NOC2L: variants seen among roughly 807,000 people sequenced by gnomAD.
The protein encoded by NOC2L is nucleolar complex protein 2 homolog.
A neutral mutation model predicts 94.2 loss-of-function variants in NOC2L; 101 were observed. The observed-to-expected ratio is 1.07, with a 90% CI of 0.91 to 1.26. The LOEUF is 1.26. Among genes scored for constraint, NOC2L ranks in the 50% most tolerant of loss-of-function variants. The probability of loss-of-function intolerance (pLI) is 0.00; values close to 1 mark genes in which losing one functional copy is unlikely to be tolerated. For missense variants in NOC2L, 1,076 were observed against 980.1 expected (o/e 1.10, Z -1.31); for synonymous variants, 531 against 413.4 (o/e 1.28, Z -3.45).
chr1:944,381 G>A lies in NOC2L; in HGVS notation c.*313C>T, dbSNP rs1231252968. On this transcript the variant is annotated 3_prime_UTR_variant, in exon 19 of 19. Coordinates refer to ENST00000327044, the MANE Select transcript of NOC2L (RefSeq NM_015658.4). ...CTGCAGACGGAGGGCAGAGGTGGTGGAAGGGGCCAGGGGCCTGCAGGCCTC... is the reference window on the plus strand; with the variant it reads ...CTGCAGACGGAGGGCAGAGGTGGTGAAAGGGGCCAGGGGCCTGCAGGCCTC... 16 of 1,335,752 alleles carry A rather than the reference G, an allele frequency of 1.2e-5. No individual in the cohort carries two copies. The highest frequency in any genetic ancestry group is 7.2e-5 in the Admixed American group (2 of 27,764). 82.7% of individuals were successfully genotyped at this position (1,335,752 alleles called of 1,614,324 possible).
At chr1:950,117 C>T (rs368519909) in intron 12 of NOC2L, among the ~76,000 whole-genome samples, 18 of 152,296 alleles carry the variant, frequency 1.2e-4, no homozygotes, top group East Asian at 9.6e-4. Context: ...CAGGCACACA[C>T]GTAGACGCAC....
rs771679836 is a variant in NOC2L, at chr1:946,294, G to T, written c.1804-8C>A. 1 of 1,611,904 alleles carries T rather than the reference G, an allele frequency of 6.2e-7. No homozygotes were observed. The highest frequency in any genetic ancestry group is 2.2e-5 in the East Asian group (1 of 44,868). On this transcript the variant is annotated splice_region_variant and splice_polypyrimidine_tract_variant and intron_variant, in intron 15 of 18. Coordinates refer to ENST00000327044, the MANE Select transcript of NOC2L (RefSeq NM_015658.4). The stretch of plus-strand genomic sequence containing the variant: ...CAGCTTCTCCCAGGCTTCCTGGGGG[G>T]TTGGGGGAGTTCAGGGTCATGCCTC...
chr1:949,537 CGGAGA>C (rs1642198001), intron 12 of NOC2L, among the ~76,000 whole-genome samples: 1 of 152,150 alleles, frequency 6.6e-6, no homozygotes. Flanking sequence ...TTGCTTTTTC[CGGAGA>C]GGAGAGGCCT....
rs754149191 is a variant in NOC2L at position 945,037 on chromosome 1, C to T, written c.2143+20G>A. ...AGATGGGCTCACAGGGCCACACCCT[C>T]TCACCCCAAGACCATTCACCCTCCG... On this transcript the variant is annotated intron_variant, in intron 18 of 18. Coordinates refer to ENST00000327044, the MANE Select transcript of NOC2L (RefSeq NM_015658.4). 1 of 1,614,118 alleles carries T rather than the reference C, an allele frequency of 6.2e-7. No individual in the cohort carries two copies. The highest frequency in any genetic ancestry group is 8.5e-7 in the Non-Finnish European group (1 of 1,179,952).
chr1:950,695 ATGG>A (rs1220452341), intron 12 of NOC2L, among the ~76,000 whole-genome samples: 2 of 152,004 alleles, frequency 1.3e-5, no homozygotes, highest in East Asian at 3.9e-4. Flanking sequence ...ATGCACCCAG[ATGG>A]TGCACACACA....
intron 8 of NOC2L, 87 bp downstream of exon 8, chr1:953,695 G>T: frequency 9.9e-7 from 1 of 1,009,974 alleles, no homozygotes; most frequent in Non-Finnish European, 1.5e-6. Context: ...CACCACCTGT[G>T]CCCTGGCCAG....
intron 14 of NOC2L, chr1:947,018 T>C (rs1047952097): frequency 2.4e-5 from 4 of 166,660 alleles, no homozygotes; most frequent in East Asian, 1.8e-4. Context: ...GATCGCACCA[T>C]TGCACTCCAG....
rs537015021 is a variant in NOC2L at position 950,652 on chromosome 1, C to G, written c.1443+475G>C. Among the ~76,000 whole-genome samples, 43 of 102,110 alleles carry G rather than the reference C, an allele frequency of 4.2e-4. 1 individual carries two copies. Among genetic ancestry groups the G allele is most frequent in the Non-Finnish European group, 8.4e-4 (38 of 45,394 alleles). 67.0% of individuals were successfully genotyped at this position (102,110 alleles called of 152,430 possible). On this transcript the variant is annotated intron_variant, in intron 12 of 18. Coordinates refer to ENST00000327044, the MANE Select transcript of NOC2L (RefSeq NM_015658.4). ...ACACACATACAGATGCACACATGAACTGATATGCACACACACACAGATTTA... is the reference window on the plus strand; with the variant it reads ...ACACACATACAGATGCACACATGAAGTGATATGCACACACACACAGATTTA...
intron 12 of NOC2L, among the ~76,000 whole-genome samples, chr1:949,774 G>A (rs1227253880): frequency 2.0e-5 from 3 of 152,166 alleles, no homozygotes; most frequent in Non-Finnish European, 4.4e-5. Context: ...ACTGCTGGCT[G>A]CCATGGGAGT....
intron 14 of NOC2L, chr1:946,776 T>G: frequency 2.0e-6 from 1 of 499,690 alleles, no homozygotes; most frequent in African/African-American, 1.9e-5. Flanking sequence ...TAAAGTTTTA[T>G]GCCAGGCGTG....
In NOC2L at chr1:953,771, G is replaced by A; in HGVS notation, c.888+11C>T. The A allele has an allele frequency of 6.3e-7, 1 of 1,598,288 alleles. No individual in the cohort carries two copies. The highest frequency in any genetic ancestry group is 8.6e-7 in the Non-Finnish European group (1 of 1,167,926). ...CCATGACAGACACAGGGAGGGGACT[G>A]GGCCACGAACCTTGAGCAGCATGCG... On this transcript the variant is annotated intron_variant, in intron 8 of 18. Coordinates refer to ENST00000327044, the MANE Select transcript of NOC2L (RefSeq NM_015658.4).
rs749381967 is a variant in NOC2L at position 958,819 on chromosome 1, G to T, written c.179+110C>A. On this transcript the variant is annotated intron_variant, in intron 2 of 18. Coordinates refer to ENST00000327044, the MANE Select transcript of NOC2L (RefSeq NM_015658.4). ...GTTAAGCTGAAAGGACTGGGGGGCA[G>T]AGGTCGGCGATCCTTAGGCCTTGGC... 4 of 1,080,708 alleles carry T rather than the reference G, an allele frequency of 3.7e-6. No homozygotes were observed. In the African/African-American group the frequency reaches 6.2e-5, roughly 17 times the overall value. 66.9% of individuals were successfully genotyped at this position (1,080,708 alleles called of 1,614,324 possible).
intron 6 of NOC2L, among the ~76,000 whole-genome samples, chr1:955,588 G>A (rs772130762): frequency 6.6e-6 from 1 of 152,186 alleles, no homozygotes; most frequent in Non-Finnish European, 1.5e-5. Context: ...CAAGGAGTAT[G>A]GACAGGACTT....
At chr1:950,982 G>C in intron 12 of NOC2L, 145 bp downstream of exon 12, 2 of 681,912 alleles carry the variant, frequency 2.9e-6, no homozygotes, top group East Asian at 2.7e-5. Context: ...GCACACGGAG[G>C]AGCACTGTCC....
Position 953,317 on chromosome 1 carries a change from C to T in NOC2L, c.889-29G>A, listed in dbSNP as rs1223858873. Reference sequence around the variant, plus strand: ...CAGAAGGTCAGACGTCACTGGTGGCCCCCCAGCCTCCTCAGCAGGGATGCC... The same window carrying T: ...CAGAAGGTCAGACGTCACTGGTGGCTCCCCAGCCTCCTCAGCAGGGATGCC... On this transcript the variant is annotated intron_variant, in intron 8 of 18. Transcript: ENST00000327044. The T allele has an allele frequency of 3.0e-6, 4 of 1,339,194 alleles. No homozygotes were observed. The African/African-American group carries it at 4.3e-5, about 14-fold the overall frequency. The allele number at this position is 1,339,194 out of a possible 1,614,324, so 83.0% of individuals were successfully genotyped here.
At chr1:958,384 T>G in intron 2 of NOC2L, 1 of 296,424 alleles carries the variant, frequency 3.4e-6, no homozygotes, top group Non-Finnish European at 6.7e-6. Context: ...TCCCGAGTAG[T>G]TGGGATTACA....
intron 12 of NOC2L, among the ~76,000 whole-genome samples, chr1:950,368 G>A (rs1360382760): frequency 2.0e-5 from 3 of 149,314 alleles, no homozygotes; most frequent in African/African-American, 7.4e-5. Flanking sequence ...TGCATGCACA[G>A]GTAGACACAT....
At chr1:955,101 T>C (rs1481508132) in intron 6 of NOC2L, among the ~76,000 whole-genome samples, 2 of 152,230 alleles carry the variant, frequency 1.3e-5, no homozygotes, top group Non-Finnish European at 2.9e-5. Context: ...GTCCCTGACC[T>C]GGTGGCTCAG....
In NOC2L at chr1:944,206, A is replaced by G. The variant is rs1399951041; in HGVS notation, c.*488T>C. On this transcript the variant is annotated 3_prime_UTR_variant, in exon 19 of 19. Transcript: ENST00000327044. ...ACAAATCTCCAGGAGCCACCACTCA[A>G]CACAATGGCCCTGCCTCCCACCGCT... The G allele has an allele frequency of 2.7e-6, 4 of 1,494,748 alleles. No individual in the cohort carries two copies. In the African/African-American group the frequency reaches 5.6e-5, roughly 21 times the overall value. 92.6% of individuals were successfully genotyped at this position (1,494,748 alleles called of 1,614,324 possible).
Sources: gnomAD v4.1 joint callset for allele counts (sites outside exome capture counted in the v4.1 genomes callset) on GRCh38, gnomAD v4.1.1 for gene constraint, MANE v1.5 for transcripts, NCBI Gene and HGNC (gene_info 2026-07-23, HGNC 2026-07-21) for gene names.